BRD1: variants seen among roughly 807,000 people sequenced by gnomAD.
The protein encoded by BRD1 is bromodomain-containing protein 1.
Under a neutral mutation model 107.7 loss-of-function variants are expected in BRD1, and 24 were observed. That is an observed-to-expected ratio of 0.22 (90% CI 0.16 to 0.31). The LOEUF (loss-of-function observed/expected upper bound fraction) is 0.31. Among genes scored for constraint, BRD1 ranks in the 10% least tolerant of loss-of-function variants. BRD1 has a pLI of 1.00. For missense variants in BRD1, 1,279 were observed against 1,638.6 expected, an observed-to-expected ratio of 0.78 and a Z score of 3.79; for synonymous variants, 744 against 686.1, an observed-to-expected ratio of 1.08 and a Z score of -1.32.
intron 1 of BRD1, among the ~76,000 whole-genome samples, chr22:49,825,295 C>T (rs2060134794): frequency 6.6e-6 from 1 of 152,158 alleles, no homozygotes; most frequent in Non-Finnish European, 1.5e-5. Context: ...CCCCCAGGAA[C>T]CCCTCGCTGC....
chr22:49,793,130 G>A (rs976229808), intron 7 of BRD1, among the ~76,000 whole-genome samples: 2 of 152,188 alleles, frequency 1.3e-5, no homozygotes, highest in South Asian at 2.1e-4. Flanking sequence ...TGTCTGCTTC[G>A]TGTAACCGGA....
intron 2 of BRD1, chr22:49,805,779 T>C (rs1358350163): frequency 1.3e-5 from 2 of 150,956 alleles, no homozygotes; most frequent in Admixed American, 6.6e-5. Flanking sequence ...TCTCACTCTA[T>C]TGCCCAGGCT....
chr22:49,802,175 C>T (rs935647206), intron 3 of BRD1, among the ~76,000 whole-genome samples: 26 of 149,182 alleles, frequency 1.7e-4, no homozygotes, highest in African/African-American at 6.0e-4. Flanking sequence ...TCCCCAACAT[C>T]GCGGGGGCCG....
chr22:49,827,161 C>T (rs2060155740), intron 1 of BRD1, among the ~76,000 whole-genome samples: 1 of 150,960 alleles, frequency 6.6e-6, no homozygotes, highest in Non-Finnish European at 1.5e-5. Context: ...GCGCGGACTC[C>T]GGGCAGGCGC....
At chr22:49,819,519 C>T (rs1003147437) in intron 2 of BRD1, among the ~76,000 whole-genome samples, 1 of 152,104 alleles carries the variant, frequency 6.6e-6, no homozygotes, top group South Asian at 2.1e-4. Context: ...TGCCACTGCA[C>T]CCGTCTGAGC....
intron 8 of BRD1, among the ~76,000 whole-genome samples, chr22:49,780,094 C>T (rs1014081988): frequency 1.3e-5 from 2 of 152,158 alleles, no homozygotes; most frequent in South Asian, 2.1e-4. Flanking sequence ...TGGGGGAAGA[C>T]GATGACCAGT....
At chr22:49,805,573 G>A (rs1195908290) in intron 2 of BRD1, 1 of 152,614 alleles carries the variant, frequency 6.6e-6, no homozygotes, top group Non-Finnish European at 1.5e-5. Context: ...CTGGGACGCT[G>A]GGCTCTGATC....
At chr22:49,777,197 G>A (rs755888959) in intron 9 of BRD1, 36 bp from the exon 10 acceptor site, 25 of 1,605,792 alleles carry the variant, frequency 1.6e-5, no homozygotes, top group South Asian at 6.6e-5. Flanking sequence ...CAGGCGCCCC[G>A]CCCCTGCCTT....
At position 49,807,682 on chromosome 22, in the gene BRD1, T is replaced by G. The variant is rs146755210; in HGVS notation, c.1368-3322A>C. 1.0e-3 allele frequency among the ~76,000 whole-genome samples: 158 copies of G among 152,286 alleles called. 1 individual carries two copies. Among genetic ancestry groups the G allele is most frequent in the African/African-American group, 3.7e-3 (152 of 41,562 alleles). On this transcript the variant is annotated intron_variant, in intron 2 of 12. Transcript: ENST00000404760. ...CTTAAAACAGAAGGGAAAAGCTTCA[T>G]GACACTGGATTTGGCAATGATTTCT...
chr22:49,814,473 A>AG (rs531231060), intron 2 of BRD1, among the ~76,000 whole-genome samples: 135 of 152,352 alleles, frequency 8.9e-4, no homozygotes, highest in Non-Finnish European at 1.6e-3. Context: ...GCCCATCGCC[A>AG]GGGGACACCT....
intron 2 of BRD1, among the ~76,000 whole-genome samples, chr22:49,809,473 G>A (rs1021784220): frequency 2.0e-5 from 3 of 150,698 alleles, no homozygotes; most frequent in African/African-American, 4.9e-5. Context: ...CACGGGAGGC[G>A]GAGGTTGTAG....
At position 49,821,703 on chromosome 22, in the gene BRD1, G is replaced by A. The variant is rs188059493; in HGVS notation, c.1367+1248C>T. On this transcript the variant is annotated intron_variant, in intron 2 of 12. Coordinates refer to ENST00000404760, the MANE Select transcript of BRD1 (RefSeq NM_001304808.3). The stretch of plus-strand genomic sequence containing the variant: ...CTGCAACCTCCCAGCCTCACCGCCC[G>A]ATGCAGCTCAGCCTGCATGCGTCCC... Among the ~76,000 whole-genome samples the A allele has an allele frequency of 4.5e-4, 68 of 151,976 alleles. 1 individual carries two copies. In the South Asian group the frequency reaches 7.5e-3, roughly 17 times the overall value.
intron 8 of BRD1, among the ~76,000 whole-genome samples, chr22:49,786,364 G>A (rs1036074349): frequency 2.0e-5 from 3 of 152,076 alleles, no homozygotes; most frequent in South Asian, 4.1e-4. Context: ...TGAGGGGCGG[G>A]GAGCAGAGGC....
chr22:49,788,856 T>C (rs2059378750), intron 7 of BRD1, among the ~76,000 whole-genome samples: 1 of 152,262 alleles, frequency 6.6e-6, no homozygotes, highest in Admixed American at 6.5e-5. Flanking sequence ...TTAGTATATA[T>C]TATCACTGGG....
At chr22:49,809,428 T>A (rs2147255268) in intron 2 of BRD1, among the ~76,000 whole-genome samples, 1 of 151,272 alleles carries the variant, frequency 6.6e-6, no homozygotes, top group East Asian at 2.0e-4. Context: ...TAATCCCAGC[T>A]ACTTGGAAGG....
Position 49,783,496 on chromosome 22 carries a change from C to T in BRD1, c.2857+3894G>A, listed in dbSNP as rs529741792. ...CATGGCACAGACACAGCACAACGCG[C>T]CTGGGCATGGCCGTCACACCCAAAC... On this transcript the variant is annotated intron_variant, in intron 8 of 12. Transcript: ENST00000404760. The surrounding 1 kb of genome is among the most constrained non-coding windows in gnomAD (Gnocchi z 4.2). 6.6e-6 allele frequency among the ~76,000 whole-genome samples: 1 copy of T among 152,370 alleles called. No homozygotes were observed. Among genetic ancestry groups the T allele is most frequent in the South Asian group, 2.1e-4 (1 of 4,832 alleles).
At position 49,777,095 on chromosome 22, in the gene BRD1, G is replaced by A. The variant is rs114483505; in HGVS notation, c.3060C>T (p.Arg1020=). Residue 1020 remains arginine, a synonymous_variant, in exon 10 of 13, where the codon CGC becomes CGT. Coordinates refer to ENST00000404760, the MANE Select transcript of BRD1 (RefSeq NM_001304808.3). ...TCTCGATGCAGGAGATCAGCTCACT[G>A]CGGTCCTCCAGCGTGTGCCGTCGCA... ...ALVRRHTLED[R]SELISCIENG... The A allele has an allele frequency of 1.9e-3, 3,119 of 1,613,376 alleles. 69 individuals are homozygous for A. The African/African-American group carries it at 0.039, about 20-fold the overall frequency.
intron 2 of BRD1, among the ~76,000 whole-genome samples, chr22:49,817,002 C>T (rs539296897): frequency 1.5e-4 from 23 of 152,364 alleles, no homozygotes; most frequent in Non-Finnish European, 3.1e-4. Flanking sequence ...ATTCCTGCCC[C>T]TTCTGCCACC....
intron 7 of BRD1, among the ~76,000 whole-genome samples, chr22:49,788,385 G>C (rs1177318555): frequency 1.3e-5 from 2 of 150,820 alleles, no homozygotes; most frequent in African/African-American, 5.0e-5. Flanking sequence ...AAAAAAAACA[G>C]GGAGTGGTGA....
Sources: gnomAD v4.1 joint callset for allele counts (sites outside exome capture counted in the v4.1 genomes callset) on GRCh38, gnomAD v4.1.1 for gene constraint, Gnocchi (gnomAD v3.1) non-coding constraint, MANE v1.5 for transcripts, NCBI Gene and HGNC (gene_info 2026-07-23, HGNC 2026-07-21) for gene names.